Variants in RGS3 observed in about 807,000 individuals in gnomAD.
The protein encoded by RGS3 is regulator of G-protein signalling 3.
RGS3 carries 80 observed loss-of-function variants against 132.6 expected under a neutral mutation model. The ratio of observed to expected loss-of-function variants is 0.60; its 90% CI spans 0.50 to 0.73. The LOEUF (loss-of-function observed/expected upper bound fraction) is 0.73, where lower values mean the gene tolerates loss of function less well. RGS3 is among the 30% of genes least tolerant of loss of function. RGS3 has a pLI of 0.00. For missense variants in RGS3, 1,382 were observed against 1,530.8 expected (o/e 0.90, Z 1.62); for synonymous variants, 598 against 620.6 (o/e 0.96, Z 0.54).
At chr9:113,461,764 G>A in exon 2 of RGS3, 2 of 1,614,154 alleles carry the variant, frequency 1.2e-6, no homozygotes, top group Non-Finnish European at 1.7e-6. Context: ...ACCGTCCTGA[G>A]TGTTGTACCT....
chr9:113,524,298 C>G (rs979298605), intron 17 of RGS3, among the ~76,000 whole-genome samples: 1 of 152,126 alleles, frequency 6.6e-6, no homozygotes, highest in African/African-American at 2.4e-5. Flanking sequence ...GCACTCACAC[C>G]GAGTCCCTTC....
In RGS3 at chr9:113,595,591, C is replaced by T. The variant is rs760405720; in HGVS notation, c.3245-8C>T. On this transcript the variant is annotated splice_region_variant and splice_polypyrimidine_tract_variant and intron_variant, in intron 23 of 24. Coordinates refer to ENST00000350696, the Ensembl canonical transcript of RGS3. ...TGCCTCTTACCCCAGGATCCGTTCT[C>T]CTCACAGACGGGTTAGCAGTGTTCC... is the stretch of plus-strand genomic sequence containing the variant. 116 of 1,613,392 alleles carry T rather than the reference C, an allele frequency of 7.2e-5. No homozygotes were observed. In the Admixed American group the frequency reaches 1.9e-3, roughly 27 times the overall value.
At chr9:113,572,823 G>C (rs1439152265) in intron 19 of RGS3, among the ~76,000 whole-genome samples, 1 of 152,244 alleles carries the variant, frequency 6.6e-6, no homozygotes, top group Non-Finnish European at 1.5e-5. Flanking sequence ...CCCAGCCTAG[G>C]GGCAGGCTGA....
intron 19 of RGS3, among the ~76,000 whole-genome samples, chr9:113,570,845 T>C (rs1486340911): frequency 6.6e-6 from 1 of 152,126 alleles, no homozygotes; most frequent in Non-Finnish European, 1.5e-5. Context: ...TATGTTGGCC[T>C]GGCTGGTCTC....
chr9:113,491,654 A>G, intron 7 of RGS3, among the ~76,000 whole-genome samples: 1 of 150,648 alleles, frequency 6.6e-6, no homozygotes, highest in South Asian at 2.1e-4. Context: ...TCCTGGATTC[A>G]AGTGATTCTT....
At chr9:113,520,180 G>A (rs1244901415) in intron 16 of RGS3, among the ~76,000 whole-genome samples, 1 of 152,234 alleles carries the variant, frequency 6.6e-6, no homozygotes, top group Non-Finnish European at 1.5e-5. Flanking sequence ...GACACTGGGT[G>A]ACCCCCGTGG....
chr9:113,583,252 G>T, intron 19 of RGS3, 198 bp from the exon 18 acceptor site: 2 of 955,348 alleles, frequency 2.1e-6, no homozygotes, highest in Non-Finnish European at 1.5e-6. Flanking sequence ...GGAGCAGAAA[G>T]TTCAAGCAAG....
intron 1 of RGS3, among the ~76,000 whole-genome samples, chr9:113,449,862 C>G (rs1055005087): frequency 2.0e-5 from 3 of 151,640 alleles, no homozygotes; most frequent in African/African-American, 7.3e-5. Flanking sequence ...CCTGCCTCAG[C>G]CTCCTGAGTA....
At chr9:113,484,224 C>T in exon 6 of RGS3, 1 of 1,555,406 alleles carries the variant, frequency 6.4e-7, no homozygotes, top group Non-Finnish European at 8.8e-7. Flanking sequence ...TCCACGAGCA[C>T]TTCTTCTTGT....
Position 113,553,997 on chromosome 9 carries a change from C to T in RGS3, c.2037+17079C>T, listed in dbSNP as rs74735626. On this transcript the variant is annotated intron_variant, in intron 19 of 24. Coordinates refer to ENST00000350696, the Ensembl canonical transcript of RGS3. Reference sequence around the variant, plus strand: ...AACAATGTTGCAATAAACATCTTGCCGCACTTTTCTGTTAGGAGAGAGTGT... The same window carrying T: ...AACAATGTTGCAATAAACATCTTGCTGCACTTTTCTGTTAGGAGAGAGTGT... 1.8e-3 allele frequency among the ~76,000 whole-genome samples: 270 copies of T among 152,232 alleles called. 6 individuals are homozygous for T. In the East Asian group the frequency reaches 0.044, roughly 25 times the overall value.
At chr9:113,552,115 TC>T (rs1393109247) in intron 19 of RGS3, among the ~76,000 whole-genome samples, 1 of 152,214 alleles carries the variant, frequency 6.6e-6, no homozygotes, top group Non-Finnish European at 1.5e-5. Context: ...TTCACTTTTT[TC>T]CCTTTTAATT....
intron 19 of RGS3, 81 bp from the exon 18 acceptor site, chr9:113,583,368 AT>A (rs1172283896): frequency 1.2e-5 from 18 of 1,528,908 alleles, no homozygotes; most frequent in Admixed American, 4.1e-5. Flanking sequence ...CCACTGCCTG[AT>A]TTCATGTCAG....
chr9:113,582,306 A>C, intron 19 of RGS3: 2 of 707,640 alleles, frequency 2.8e-6, no homozygotes, highest in Non-Finnish European at 3.5e-6. Flanking sequence ...GATTTCTACA[A>C]TGAGAGCTCT....
At chr9:113,588,096 G>T (rs995420147) in intron 20 of RGS3, among the ~76,000 whole-genome samples, 1 of 152,182 alleles carries the variant, frequency 6.6e-6, no homozygotes, top group Non-Finnish European at 1.5e-5. Context: ...GAGACCACAG[G>T]CTGCAGCCCT....
At chr9:113,459,173 T>G (rs563488801), upstream of RGS3, among the ~76,000 whole-genome samples, 42 of 152,376 alleles carry the variant, frequency 2.8e-4, no homozygotes, top group Middle Eastern at 3.4e-3. Flanking sequence ...TACCTAGCGC[T>G]GACACATCTT....
Position 113,530,856 on chromosome 9 carries a change from A to G in RGS3, c.1914+1592A>G, listed in dbSNP as rs529660170. ...TGGGTTGCTATTTAGAAGAAGTACT[A>G]TAATTCAGGGAAGACAAGATGCCTT... On this transcript the variant is annotated intron_variant, in intron 18 of 24. Transcript: ENST00000350696. Among the ~76,000 whole-genome samples, 8 of 152,318 alleles carry G rather than the reference A, an allele frequency of 5.3e-5. No homozygotes were observed. In the South Asian group the frequency reaches 1.0e-3, roughly 20 times the overall value.
exon 20 of RGS3, chr9:113,584,111 A>G (rs1368244080): frequency 1.2e-6 from 2 of 1,614,108 alleles, no homozygotes; most frequent in Admixed American, 1.7e-5. Flanking sequence ...GACGAGGATG[A>G]GGACACCAGC....
In RGS3 at chr9:113,463,173, G is replaced by A. The variant is rs1328962567; in HGVS notation, c.415+972G>A. On this transcript the variant is annotated intron_variant, in intron 3 of 24. Coordinates refer to ENST00000350696, the Ensembl canonical transcript of RGS3. The surrounding 1 kb of genome is among the most constrained non-coding windows in gnomAD (Gnocchi z 4.6). The stretch of plus-strand genomic sequence containing the variant: ...TGGTTGGAGCAAGCTGCTCCCATCC[G>A]GACCTGTGTCAGGCAGCACTTGTTC... Among the ~76,000 whole-genome samples the A allele has an allele frequency of 2.6e-5, 4 of 152,324 alleles. No individual in the cohort carries two copies. Among genetic ancestry groups the A allele is most frequent in the African/African-American group, 4.8e-5 (2 of 41,568 alleles).
chr9:113,562,218 G>C (rs766570099), intron 19 of RGS3, among the ~76,000 whole-genome samples: 3 of 152,156 alleles, frequency 2.0e-5, no homozygotes, highest in Admixed American at 2.0e-4. Flanking sequence ...GCTCTTGCCC[G>C]TAATCCCAGC....
Sources: allele counts gnomAD v4.1 joint callset (sites outside exome capture counted in the v4.1 genomes callset), GRCh38; gene constraint gnomAD v4.1.1; non-coding constraint Gnocchi (gnomAD v3.1); transcripts MANE v1.5; gene names NCBI Gene and HGNC (gene_info 2026-07-23, HGNC 2026-07-21).